Variants in PDE1C observed in about 807,000 individuals in gnomAD.
PDE1C encodes dual specificity calcium/calmodulin-dependent 3',5'-cyclic nucleotide phosphodiesterase 1C.
In PDE1C, 62 loss-of-function variants were observed where a neutral mutation model predicts 93.1. That is an observed-to-expected ratio of 0.67 (90% CI 0.54 to 0.82). The LOEUF is 0.82. PDE1C is among the 40% of genes least tolerant of loss of function. The probability of loss-of-function intolerance (pLI) is 0.00; values close to 1 mark genes in which losing one functional copy is unlikely to be tolerated. For synonymous variants in PDE1C, 325 were observed against 310.1 expected (o/e 1.05, Z -0.50); for missense variants, 742 against 884.6 (o/e 0.84, Z 2.04).
Position 32,108,813 on chromosome 7 carries a change from G to A in PDE1C, c.308+60972C>T, listed in dbSNP as rs1798488265. ...GGCCTGGTCCATGCCTACAGACCCA[G>A]GCAGGCAAGCAGTGCCAGAGCATGG... On this transcript the variant is annotated intron_variant, in intron 3 of 18. Coordinates refer to the PDE1C transcript ENST00000396193. 2.6e-5 allele frequency among the ~76,000 whole-genome samples: 4 copies of A among 152,312 alleles called. No homozygotes were observed. The South Asian group carries it at 8.3e-4, about 32-fold the overall frequency.
chr7:31,881,575 T>G (rs1797252449), intron 2 of PDE1C, among the ~76,000 whole-genome samples: 1 of 152,182 alleles, frequency 6.6e-6, no homozygotes, highest in African/African-American at 2.4e-5. Context: ...ATGATCAACA[T>G]GCGGTAACTG....
At chr7:32,216,593 A>G (rs1249496830) in intron 1 of PDE1C, among the ~76,000 whole-genome samples, 2 of 152,242 alleles carry the variant, frequency 1.3e-5, no homozygotes, top group African/African-American at 4.8e-5. Flanking sequence ...TCCCTTGAAC[A>G]CTCTGAATAT....
chr7:32,020,375 A>AT (rs1348634239), intron 2 of PDE1C, among the ~76,000 whole-genome samples: 5 of 151,794 alleles, frequency 3.3e-5, no homozygotes, highest in African/African-American at 1.2e-4. Context: ...AATTCTTCAT[A>AT]TTTTTTCTCC....
chr7:31,704,370 T>C, the PDE1C span, among the ~76,000 whole-genome samples: 1 of 152,186 alleles, frequency 6.6e-6, no homozygotes, highest in Non-Finnish European at 1.5e-5. Context: ...ACAGCTTGCT[T>C]CAAAGCTGAT....
intron 2 of PDE1C, among the ~76,000 whole-genome samples, chr7:31,918,785 G>C (rs772425351): frequency 1.6e-4 from 24 of 152,092 alleles, no homozygotes; most frequent in Non-Finnish European, 3.2e-4. Context: ...ACATAAAACG[G>C]TTTCATGAAA....
In PDE1C at chr7:32,367,875, CAAGACTATAGTAAGCAA is replaced by C. The variant is rs368259627; in HGVS notation, c.310+59930_310+59946del. On this transcript the variant is annotated intron_variant, in intron 1 of 1. Coordinates refer to the PDE1C transcript ENST00000672256. ...GAAGGATTGCTTGAGCCCAGGAGGT[CAAGACTATAGTAAGCAA>C]ACATCACAGCACTGCACTCCAGCCT... Among the ~76,000 whole-genome samples, 546 of 151,650 alleles carry C rather than the reference CAAGACTATAGTAAGCAA, an allele frequency of 3.6e-3. 3 individuals carry two copies. The highest frequency in any genetic ancestry group is 0.013 in the African/African-American group (519 of 41,308).
chr7:31,718,341 C>T, the PDE1C span, among the ~76,000 whole-genome samples: 267 of 152,180 alleles, frequency 1.8e-3, 5 homozygotes, highest in Non-Finnish European at 3.4e-4. Flanking sequence ...CCTCAGGATG[C>T]ATGGATAGCA....
intron 3 of PDE1C, among the ~76,000 whole-genome samples, chr7:32,097,717 C>T (rs1472836625): frequency 5.9e-5 from 9 of 152,200 alleles, no homozygotes; most frequent in Admixed American, 5.9e-4. Context: ...CAGCTAGCCT[C>T]AGCCAACACT....
chr7:31,924,752 A>G (rs750258958), intron 2 of PDE1C, among the ~76,000 whole-genome samples: 1 of 152,174 alleles, frequency 6.6e-6, no homozygotes, highest in Non-Finnish European at 1.5e-5. Context: ...GCTGGAACCA[A>G]CTGGAGAGTC....
chr7:31,794,304 T>C (rs11976985), intron 16 of PDE1C, among the ~76,000 whole-genome samples: 26,183 of 151,956 alleles, frequency 0.17, 2,353 homozygotes, highest in Middle Eastern at 0.23. Flanking sequence ...ACCATTACTT[T>C]CAATGGCAAA....
rs528938099 is a variant in PDE1C at position 32,207,687 on chromosome 7, C to G, written c.136+1802G>C. Among the ~76,000 whole-genome samples the G allele has an allele frequency of 3.3e-5, 5 of 152,238 alleles. No individual in the cohort carries two copies. In the East Asian group the frequency reaches 5.8e-4, roughly 18 times the overall value. ...CTAATTACTTTTTCCTACACAGATA[C>G]GTGTTCATCATGTCCTCACCTGTCT... On this transcript the variant is annotated intron_variant, in intron 2 of 18. Coordinates refer to the PDE1C transcript ENST00000396193.
chr7:31,940,779 C>T (rs907664409), intron 2 of PDE1C, among the ~76,000 whole-genome samples: 10 of 152,084 alleles, frequency 6.6e-5, no homozygotes, highest in African/African-American at 2.4e-4. Context: ...ATGAATGAAA[C>T]CCAGCCACGC....
intron 2 of PDE1C, among the ~76,000 whole-genome samples, chr7:32,010,003 A>G (rs1213133008): frequency 6.6e-6 from 1 of 152,226 alleles, no homozygotes; most frequent in Non-Finnish European, 1.5e-5. Context: ...GAAAACTACA[A>G]AACATCGCTG....
chr7:32,410,240 G>A (rs113595368), intron 1 of PDE1C, among the ~76,000 whole-genome samples: 4,829 of 152,122 alleles, frequency 0.032, 259 homozygotes, highest in African/African-American at 0.11. Flanking sequence ...GGCTGAGGTG[G>A]GAGCATCGCT....
chr7:31,695,504 C>A, the PDE1C span: 1 of 1,612,950 alleles, frequency 6.2e-7, no homozygotes, highest in East Asian at 2.2e-5. Context: ...GGACTGTGAT[C>A]TCAAAAAGAA....
intron 1 of PDE1C, among the ~76,000 whole-genome samples, chr7:32,349,822 G>T (rs1290738728): frequency 1.3e-5 from 2 of 152,122 alleles, no homozygotes; most frequent in Non-Finnish European, 2.9e-5. Context: ...TAGAGACAGG[G>T]TTTCACCCAT....
intron 2 of PDE1C, among the ~76,000 whole-genome samples, chr7:32,043,128 A>G (rs978818714): frequency 1.3e-5 from 2 of 152,188 alleles, no homozygotes; most frequent in Non-Finnish European, 2.9e-5. Flanking sequence ...GGCCAGGGAT[A>G]CTGCCAAACA....
chr7:31,702,043 C>T, the PDE1C span, among the ~76,000 whole-genome samples: 1 of 152,068 alleles, frequency 6.6e-6, no homozygotes, highest in Non-Finnish European at 1.5e-5. Context: ...CAAAAGGAAT[C>T]ATTTTGCCTT....
At chr7:32,367,505 C>T (rs1249941595) in intron 1 of PDE1C, among the ~76,000 whole-genome samples, 1 of 152,120 alleles carries the variant, frequency 6.6e-6, no homozygotes, top group African/African-American at 2.4e-5. Context: ...CAATATGCTG[C>T]CTACAAGAAA....
Sources: allele counts gnomAD v4.1 joint callset (sites outside exome capture counted in the v4.1 genomes callset), GRCh38; gene constraint gnomAD v4.1.1; transcripts MANE v1.5; gene names NCBI Gene and HGNC (gene_info 2026-07-23, HGNC 2026-07-21).